HTR1E: variants seen among roughly 807,000 people sequenced by gnomAD.
HTR1E encodes 5-HT-1E.
HTR1E carries 3 observed loss-of-function variants against 3.4 expected under a neutral mutation model. The ratio of observed to expected loss-of-function variants is 0.89; its 90% CI spans 0.41 to 2.31. The LOEUF (loss-of-function observed/expected upper bound fraction) is 2.31. Ranked by LOEUF, HTR1E falls within the 30% of genes most tolerant of loss-of-function variation. The pLI is 0.05. For synonymous variants in HTR1E, 170 were observed against 182.8 expected, an observed-to-expected ratio of 0.93 and a Z score of 0.56; for missense variants, 392 against 467.0, an observed-to-expected ratio of 0.84 and a Z score of 1.48.
At chr6:86,956,592 T>C (rs746176914) in intron 1 of HTR1E, among the ~76,000 whole-genome samples, 4 of 152,198 alleles carry the variant, frequency 2.6e-5, no homozygotes, top group Non-Finnish European at 5.9e-5. Flanking sequence ...TGTCTGCTTG[T>C]AACTTCTGAC....
At chr6:86,963,307 C>A (rs1015802482) in intron 1 of HTR1E, among the ~76,000 whole-genome samples, 6 of 152,146 alleles carry the variant, frequency 3.9e-5, no homozygotes, top group Admixed American at 2.0e-4. Flanking sequence ...CACCACTGCA[C>A]CTGGCTAACT....
intron 1 of HTR1E, among the ~76,000 whole-genome samples, chr6:86,996,164 A>G (rs866779657): frequency 4.6e-5 from 7 of 152,220 alleles, no homozygotes; most frequent in Non-Finnish European, 8.8e-5. Flanking sequence ...CAACAGCAGA[A>G]TAATCATTCT....
intron 1 of HTR1E, among the ~76,000 whole-genome samples, chr6:86,959,432 G>A (rs562323430): frequency 7.2e-5 from 11 of 152,018 alleles, no homozygotes; most frequent in Admixed American, 5.2e-4. Flanking sequence ...AAATGCAAAC[G>A]TTAGCCAGGC....
intron 1 of HTR1E, among the ~76,000 whole-genome samples, chr6:86,972,626 G>A (rs554163933): frequency 1.6e-4 from 24 of 152,048 alleles, no homozygotes; most frequent in South Asian, 8.3e-4. Context: ...TAATAATAAT[G>A]GCATATCTGT....
At chr6:86,964,632 TA>T (rs1293421928) in intron 1 of HTR1E, among the ~76,000 whole-genome samples, 2 of 152,260 alleles carry the variant, frequency 1.3e-5, no homozygotes, top group African/African-American at 2.4e-5. Context: ...AAACTTTGTC[TA>T]AGCTGTAAAC....
intron 1 of HTR1E, among the ~76,000 whole-genome samples, chr6:87,002,124 T>A (rs536835498): frequency 6.6e-6 from 1 of 152,368 alleles, no homozygotes; most frequent in Non-Finnish European, 1.5e-5. Context: ...AATTTATTCC[T>A]TCCGGTAGGT....
At position 87,015,671 on chromosome 6, in the gene HTR1E, C is replaced by G; in HGVS notation, c.337C>G (p.Leu113Val). ...CTGCTGCACCTGCTCCATCCTCCAC[C>G]TCTGTGTCATTGCCCTGGACAGGTA... ...MTCCTCSILHLCVIALDRYWA... is the reference protein window; with the variant it reads ...MTCCTCSILHVCVIALDRYWA... The change falls in exon 2 of 2, where the codon CTC becomes GTC. Residue 113 changes from leucine to valine, a missense_variant. Coordinates refer to ENST00000305344, the MANE Select transcript of HTR1E (RefSeq NM_000865.3). 1 of 1,614,192 alleles carries G rather than the reference C, an allele frequency of 6.2e-7. No homozygotes were observed. Among genetic ancestry groups the G allele is most frequent in the Non-Finnish European group, 8.5e-7 (1 of 1,180,036 alleles).
intron 1 of HTR1E, among the ~76,000 whole-genome samples, chr6:86,974,596 T>C (rs1053214205): frequency 1.4e-4 from 21 of 152,216 alleles, no homozygotes; most frequent in African/African-American, 4.1e-4. Context: ...TGGTGCATGA[T>C]TGCAATTTGT....
intron 1 of HTR1E, among the ~76,000 whole-genome samples, chr6:86,939,129 C>T (rs1235257512): frequency 6.6e-6 from 1 of 152,092 alleles, no homozygotes; most frequent in African/African-American, 2.4e-5. Flanking sequence ...ATGAGATGAC[C>T]CTGTCTTCAA....
intron 1 of HTR1E, among the ~76,000 whole-genome samples, chr6:86,975,681 A>G (rs910869266): frequency 6.6e-5 from 10 of 152,090 alleles, no homozygotes; most frequent in Non-Finnish European, 1.3e-4. Context: ...TTAGTTAAAG[A>G]AAAAAGAGAT....
At chr6:86,965,303 G>C (rs1304578866) in intron 1 of HTR1E, among the ~76,000 whole-genome samples, 2 of 152,122 alleles carry the variant, frequency 1.3e-5, no homozygotes, top group African/African-American at 4.8e-5. Context: ...TCCTGGCATG[G>C]AATCTATCCC....
At chr6:86,982,389 T>A (rs544921705) in intron 1 of HTR1E, among the ~76,000 whole-genome samples, 1 of 152,208 alleles carries the variant, frequency 6.6e-6, no homozygotes, top group Non-Finnish European at 1.5e-5. Flanking sequence ...TTAGGTTGGG[T>A]TTCTTGGAAA....
chr6:86,971,817 T>C (rs1767561620), intron 1 of HTR1E, among the ~76,000 whole-genome samples: 1 of 152,178 alleles, frequency 6.6e-6, no homozygotes, highest in Admixed American at 6.5e-5. Flanking sequence ...CGAACACAGG[T>C]AGTCTTTTGG....
chr6:86,983,763 C>T (rs886815469), intron 1 of HTR1E, among the ~76,000 whole-genome samples: 2 of 152,100 alleles, frequency 1.3e-5, no homozygotes, highest in African/African-American at 4.8e-5. Context: ...TGTATCAAAA[C>T]ATCACATGTA....
intron 1 of HTR1E, among the ~76,000 whole-genome samples, chr6:87,004,239 T>C (rs1768070782): frequency 6.6e-6 from 1 of 151,660 alleles, no homozygotes; most frequent in South Asian, 2.1e-4. Context: ...GAGGAGGAAA[T>C]ACTTCCACAT....
intron 1 of HTR1E, among the ~76,000 whole-genome samples, chr6:87,000,569 T>A (rs1393913563): frequency 1.3e-5 from 2 of 152,146 alleles, no homozygotes; most frequent in East Asian, 3.9e-4. Context: ...AGTGGAAACC[T>A]TAGAGGCCAG....
At chr6:86,973,194 C>T (rs901882537) in intron 1 of HTR1E, among the ~76,000 whole-genome samples, 1 of 152,134 alleles carries the variant, frequency 6.6e-6, no homozygotes, top group Non-Finnish European at 1.5e-5. Flanking sequence ...TGGCTTTTAA[C>T]TCCACTGTAG....
intron 1 of HTR1E, among the ~76,000 whole-genome samples, chr6:87,013,391 A>G (rs1768266724): frequency 6.6e-6 from 1 of 152,176 alleles, no homozygotes; most frequent in South Asian, 2.1e-4. Flanking sequence ...TGGACTCATG[A>G]TATTTTTTAT....
intron 1 of HTR1E, among the ~76,000 whole-genome samples, chr6:86,942,750 A>C (rs1042574242): frequency 2.0e-5 from 3 of 152,266 alleles, no homozygotes; most frequent in African/African-American, 4.8e-5. Flanking sequence ...TCTGCAATAC[A>C]GTAAGCCTGT....
Sources: gnomAD v4.1 joint callset for allele counts (sites outside exome capture counted in the v4.1 genomes callset) on GRCh38, gnomAD v4.1.1 for gene constraint, MANE v1.5 for transcripts, NCBI Gene and HGNC (gene_info 2026-07-23, HGNC 2026-07-21) for gene names.